The following RARB variants were observed in gnomAD, a reference collection of about 807,000 sequenced individuals.
RARB encodes HBV-activated protein.
Under a neutral mutation model 51.9 loss-of-function variants are expected in RARB, and 17 were observed. The observed-to-expected ratio is 0.33, with a 90% CI of 0.22 to 0.49. RARB has a LOEUF of 0.49. Among genes scored for constraint, RARB ranks in the 20% least tolerant of loss-of-function variants. The probability of loss-of-function intolerance (pLI) is 0.99; values close to 1 mark genes in which losing one functional copy is unlikely to be tolerated. For synonymous variants in RARB, 215 were observed against 195.4 expected, an observed-to-expected ratio of 1.10 and a Z score of -0.84; for missense variants, 369 against 550.8, an observed-to-expected ratio of 0.67 and a Z score of 3.30.
intron 2 of RARB, among the ~76,000 whole-genome samples, chr3:24,967,597 T>G (rs903770316): frequency 6.6e-6 from 1 of 152,110 alleles, no homozygotes; most frequent in Non-Finnish European, 1.5e-5. Flanking sequence ...TAGGAATGAG[T>G]TATTACCCTT....
At chr3:24,845,971 G>A (rs982720210) in intron 1 of RARB, among the ~76,000 whole-genome samples, 3 of 152,174 alleles carry the variant, frequency 2.0e-5, no homozygotes, top group East Asian at 1.9e-4. Context: ...ATACCTCTGC[G>A]AGAGGCAGAG....
chr3:24,877,364 G>GTTTTTTT (rs1553609944), intron 2 of RARB, among the ~76,000 whole-genome samples: 1 of 16,770 alleles, frequency 6.0e-5, no homozygotes, highest in African/African-American at 2.2e-4. Flanking sequence ...TTTTTTTTTT[G>GTTTTTTT]GAAAATTCAC....
At chr3:25,592,507 C>T (rs938628315) in intron 5 of RARB, among the ~76,000 whole-genome samples, 1 of 152,094 alleles carries the variant, frequency 6.6e-6, no homozygotes, top group Admixed American at 6.5e-5. Context: ...GCACGGAGCT[C>T]CTTACCAGCA....
chr3:25,033,175 A>G (rs1170112762), intron 2 of RARB, among the ~76,000 whole-genome samples: 1 of 152,178 alleles, frequency 6.6e-6, no homozygotes, highest in African/African-American at 2.4e-5. Context: ...TTATTCAGTT[A>G]ATATTTATTA....
chr3:25,207,287 C>G (rs999060745), intron 5 of RARB, among the ~76,000 whole-genome samples: 1 of 152,222 alleles, frequency 6.6e-6, no homozygotes, highest in African/African-American at 2.4e-5. Context: ...TCCCCTGTGC[C>G]CATCTACCCA....
chr3:25,072,745 G>A (rs908772903), intron 3 of RARB, among the ~76,000 whole-genome samples: 8 of 151,428 alleles, frequency 5.3e-5, no homozygotes, highest in Non-Finnish European at 8.8e-5. Flanking sequence ...GTCTCGCTCT[G>A]TCGCCCAGGC....
At chr3:25,444,183 G>A (rs761268018) in intron 1 of RARB, among the ~76,000 whole-genome samples, 4 of 152,122 alleles carry the variant, frequency 2.6e-5, no homozygotes, top group Middle Eastern at 3.2e-3. Flanking sequence ...CTTTGCAGAC[G>A]CAGATTCCTA....
At chr3:25,525,020 C>T (rs1698586384) in intron 3 of RARB, among the ~76,000 whole-genome samples, 1 of 152,102 alleles carries the variant, frequency 6.6e-6, no homozygotes, top group African/African-American at 2.4e-5. Flanking sequence ...TGAGCCACCA[C>T]GTCCAGCCCT....
At chr3:24,868,282 C>G (rs1038347880) in intron 2 of RARB, among the ~76,000 whole-genome samples, 1 of 152,068 alleles carries the variant, frequency 6.6e-6, no homozygotes, top group African/African-American at 2.4e-5. Flanking sequence ...TAATACACAA[C>G]AAGAATAGAA....
intron 1 of RARB, among the ~76,000 whole-genome samples, chr3:24,838,673 T>C (rs1488416934): frequency 6.6e-6 from 1 of 152,132 alleles, no homozygotes; most frequent in Non-Finnish European, 1.5e-5. Context: ...AAAAGTAAGC[T>C]TAAATAAACA....
chr3:25,256,389 A>T (rs895643509), intron 5 of RARB, among the ~76,000 whole-genome samples: 2 of 152,108 alleles, frequency 1.3e-5, no homozygotes, highest in Non-Finnish European at 2.9e-5. Flanking sequence ...ATTTACCTTT[A>T]TTCTTTCACT....
At chr3:25,573,977 A>G (rs1454087689) in intron 4 of RARB, among the ~76,000 whole-genome samples, 1 of 152,168 alleles carries the variant, frequency 6.6e-6, no homozygotes, top group Non-Finnish European at 1.5e-5. Context: ...GCACTCACCC[A>G]CAATCTTCAG....
intron 2 of RARB, among the ~76,000 whole-genome samples, chr3:24,934,295 G>T (rs1342524020): frequency 1.3e-5 from 2 of 152,148 alleles, no homozygotes; most frequent in African/African-American, 4.8e-5. Context: ...CCATTCGGCT[G>T]AGGGGTTGGA....
chr3:24,862,860 TAG>T (rs1411912207), intron 2 of RARB, among the ~76,000 whole-genome samples: 2 of 152,188 alleles, frequency 1.3e-5, no homozygotes, highest in Admixed American at 1.3e-4. Flanking sequence ...ACTAAATTTA[TAG>T]AGTGTGGATT....
chr3:25,001,864 G>A (rs1697168494), intron 2 of RARB, among the ~76,000 whole-genome samples: 1 of 151,962 alleles, frequency 6.6e-6, no homozygotes, highest in Non-Finnish European at 1.5e-5. Context: ...CTAAACCTCT[G>A]CCCTCCAAGC....
At chr3:24,970,010 T>A (rs1187744156) in intron 2 of RARB, among the ~76,000 whole-genome samples, 1 of 151,786 alleles carries the variant, frequency 6.6e-6, no homozygotes, top group Non-Finnish European at 1.5e-5. Flanking sequence ...AAAACAGGAG[T>A]CAACAAACGT....
In RARB at chr3:24,972,141, A is replaced by G. The variant is rs190300748; in HGVS notation, c.-379-87984A>G. On this transcript the variant is annotated intron_variant, in intron 2 of 11. Coordinates refer to the RARB transcript ENST00000383772. Reference sequence around the variant, plus strand: ...CCATTAATCAACCTCTCTTCAGCCTACCTTCCTCCCTACGCTTTCTGGCCT... The same window carrying G: ...CCATTAATCAACCTCTCTTCAGCCTGCCTTCCTCCCTACGCTTTCTGGCCT... Among the ~76,000 whole-genome samples the G allele has an allele frequency of 2.1e-3, 325 of 151,956 alleles. 1 individual carries two copies. Among genetic ancestry groups the G allele is most frequent in the African/African-American group, 7.4e-3 (305 of 41,486 alleles).
chr3:25,217,617 G>T (rs1301971112), intron 5 of RARB, among the ~76,000 whole-genome samples: 1 of 152,126 alleles, frequency 6.6e-6, no homozygotes, highest in African/African-American at 2.4e-5. Flanking sequence ...TGGTTTGTCA[G>T]TTACTAGCTG....
At chr3:24,840,742 T>TAAAAAAAAAAAAAAAAAAAAA (rs55771334) in intron 1 of RARB, among the ~76,000 whole-genome samples, 4 of 70,342 alleles carry the variant, frequency 5.7e-5, no homozygotes, top group Non-Finnish European at 8.2e-5. Flanking sequence ...TGAGTAAGAG[T>TAAAAAAAAAAAAAAAAAAAAA]AAAAAAAAAA....
Sources: allele counts gnomAD v4.1 joint callset (sites outside exome capture counted in the v4.1 genomes callset), GRCh38; gene constraint gnomAD v4.1.1; transcripts MANE v1.5; gene names NCBI Gene and HGNC (gene_info 2026-07-23, HGNC 2026-07-21).